Variants in PDE4B observed in about 807,000 individuals in gnomAD.
PDE4B encodes 3',5'-cyclic-AMP phosphodiesterase 4B.
Under a neutral mutation model 82.2 loss-of-function variants are expected in PDE4B, and 20 were observed. The observed-to-expected ratio is 0.24, with a 90% CI of 0.17 to 0.35. The LOEUF is 0.35. PDE4B is among the 10% of genes least tolerant of loss of function. The pLI is 1.00. For missense variants in PDE4B, 655 were observed against 907.2 expected, an observed-to-expected ratio of 0.72 and a Z score of 3.57; for synonymous variants, 320 against 318.9, an observed-to-expected ratio of 1.00 and a Z score of -0.04.
intron 1 of PDE4B, among the ~76,000 whole-genome samples, chr1:65,803,340 G>A (rs1050167368): frequency 4.6e-5 from 7 of 152,060 alleles, no homozygotes; most frequent in Non-Finnish European, 1.0e-4. Context: ...TGCATTATTC[G>A]CTCTAAAAGG....
At chr1:66,326,751 A>G (rs529360945) in intron 7 of PDE4B, among the ~76,000 whole-genome samples, 70 of 152,354 alleles carry the variant, frequency 4.6e-4, no homozygotes, top group African/African-American at 1.7e-3. Context: ...AATATCATTT[A>G]GATATAATTT....
At chr1:66,109,870 T>C (rs556946808) in intron 3 of PDE4B, among the ~76,000 whole-genome samples, 201 of 151,878 alleles carry the variant, frequency 1.3e-3, no homozygotes, top group Non-Finnish European at 2.4e-3. Context: ...TTTTTTGCAG[T>C]AGGTATTTTT....
At chr1:66,001,430 A>G (rs891687379) in intron 3 of PDE4B, among the ~76,000 whole-genome samples, 1 of 152,184 alleles carries the variant, frequency 6.6e-6, no homozygotes, top group Non-Finnish European at 1.5e-5. Context: ...AACAGTTTCC[A>G]TGTATCAAGC....
chr1:66,247,595 C>T lies in PDE4B; in HGVS notation c.417C>T (p.Asp139=), dbSNP rs1040118161. ...GAGAGTCATTTCTCTACAGATCAGA[C>T]AGCGACTATGACTTGTCACCAAAGG... ...QRRESFLYRS[D]SDYDLSPKAM... is the part of the protein sequence containing the mutation. Residue 139 remains aspartate, a synonymous_variant, in exon 4 of 17, where the codon GAC becomes GAT. Coordinates refer to ENST00000341517, the MANE Select transcript of PDE4B (RefSeq NM_002600.4). 6.2e-7 allele frequency: 1 copy of T among 1,609,486 alleles called. No individual in the cohort carries two copies. Among genetic ancestry groups the T allele is most frequent in the Non-Finnish European group, 8.5e-7 (1 of 1,177,664 alleles).
intron 3 of PDE4B, among the ~76,000 whole-genome samples, chr1:66,024,303 T>C (rs1046617305): frequency 6.6e-6 from 1 of 152,140 alleles, no homozygotes; most frequent in Non-Finnish European, 1.5e-5. Flanking sequence ...AGCATCACTA[T>C]ACCTTAGAGT....
chr1:66,272,700 T>C (rs1655588828), intron 7 of PDE4B, among the ~76,000 whole-genome samples: 1 of 151,874 alleles, frequency 6.6e-6, no homozygotes, highest in Non-Finnish European at 1.5e-5. Flanking sequence ...CCTAAAGCAT[T>C]GTGGTGGTCC....
intron 3 of PDE4B, among the ~76,000 whole-genome samples, chr1:65,989,448 G>A (rs1416035347): frequency 1.3e-5 from 2 of 152,034 alleles, no homozygotes; most frequent in East Asian, 1.9e-4. Context: ...CCTAGACAGA[G>A]CCACTGCACT....
intron 3 of PDE4B, among the ~76,000 whole-genome samples, chr1:66,116,571 C>T (rs1645598748): frequency 6.6e-6 from 1 of 152,050 alleles, no homozygotes; most frequent in Admixed American, 6.6e-5. Context: ...ACCCCCCCAG[C>T]CCACCACCCC....
chr1:65,918,114 A>G (rs557573081), intron 2 of PDE4B, among the ~76,000 whole-genome samples: 1 of 152,226 alleles, frequency 6.6e-6, no homozygotes. Flanking sequence ...CAGTGAGCTG[A>G]GATCACTCCA....
intron 1 of PDE4B, among the ~76,000 whole-genome samples, chr1:65,881,964 T>C (rs540069643): frequency 3.3e-5 from 5 of 152,322 alleles, no homozygotes; most frequent in African/African-American, 1.2e-4. Context: ...GAGAATTTGT[T>C]CTTCAACAAT....
At chr1:66,263,036 A>G (rs1654799643) in intron 6 of PDE4B, among the ~76,000 whole-genome samples, 1 of 152,224 alleles carries the variant, frequency 6.6e-6, no homozygotes, top group Non-Finnish European at 1.5e-5. Context: ...ATTAAAATGC[A>G]TTATTAATCC....
chr1:66,096,384 A>G (rs1645114369), intron 3 of PDE4B, among the ~76,000 whole-genome samples: 3 of 151,118 alleles, frequency 2.0e-5, no homozygotes, highest in Admixed American at 6.6e-5. Flanking sequence ...ACAAATGCAT[A>G]CAGTTGCATA....
chr1:66,105,971 A>C (rs1645343318), intron 3 of PDE4B, among the ~76,000 whole-genome samples: 1 of 152,024 alleles, frequency 6.6e-6, no homozygotes, highest in African/African-American at 2.4e-5. Flanking sequence ...CACTTCCAAC[A>C]CTATGTTGAA....
intron 1 of PDE4B, among the ~76,000 whole-genome samples, chr1:65,884,987 C>G (rs1475309006): frequency 6.6e-6 from 1 of 152,174 alleles, no homozygotes; most frequent in African/African-American, 2.4e-5. Context: ...TATCCAGAAT[C>G]TACAAATAAC....
At chr1:66,342,548 TAAAAAAAAAAA>T (rs374881888) in intron 8 of PDE4B, among the ~76,000 whole-genome samples, 1,766 of 96,548 alleles carry the variant, frequency 0.018, 25 homozygotes, top group African/African-American at 0.049. Flanking sequence ...TGTCTCTAAT[TAAAAAAAAAAA>T]AAAAAGAAAA....
chr1:65,841,767 A>G (rs1646210323), intron 1 of PDE4B, among the ~76,000 whole-genome samples: 1 of 152,172 alleles, frequency 6.6e-6, no homozygotes, highest in Non-Finnish European at 1.5e-5. Flanking sequence ...TTAGTGTAAC[A>G]TACAAAAATT....
At chr1:65,844,684 T>C (rs935678319) in intron 1 of PDE4B, among the ~76,000 whole-genome samples, 2 of 152,156 alleles carry the variant, frequency 1.3e-5, no homozygotes, top group Non-Finnish European at 2.9e-5. Context: ...GTCTTTAATA[T>C]GTAGTTTATT....
intron 3 of PDE4B, among the ~76,000 whole-genome samples, chr1:65,931,321 G>A (rs1647820495): frequency 1.3e-5 from 2 of 152,120 alleles, no homozygotes; most frequent in Admixed American, 6.6e-5. Flanking sequence ...TTCCTTTATA[G>A]CAATACGAGA....
At chr1:65,970,230 T>C (rs1344952268) in intron 3 of PDE4B, among the ~76,000 whole-genome samples, 1 of 147,858 alleles carries the variant, frequency 6.8e-6, no homozygotes, top group Non-Finnish European at 1.5e-5. Flanking sequence ...TTTTTTTTTT[T>C]CTAAGTAAGT....
Sources: gnomAD v4.1 joint callset for allele counts (sites outside exome capture counted in the v4.1 genomes callset) on GRCh38, gnomAD v4.1.1 for gene constraint, MANE v1.5 for transcripts, NCBI Gene and HGNC (gene_info 2026-07-23, HGNC 2026-07-21) for gene names.